Variants in THSD7B observed in about 807,000 individuals in gnomAD.
THSD7B encodes thrombospondin type-1 domain-containing protein 7B.
THSD7B carries 138 observed loss-of-function variants against 213.6 expected under a neutral mutation model. The ratio of observed to expected loss-of-function variants is 0.65; its 90% confidence interval spans 0.56 to 0.74. The LOEUF (loss-of-function observed/expected upper bound fraction) is 0.74. THSD7B is among the 30% of genes least tolerant of loss of function. THSD7B has a pLI of 0.00. For missense variants in THSD7B, 1,931 were observed against 1,991.5 expected (o/e 0.97, Z 0.58); for synonymous variants, 742 against 687.0 (o/e 1.08, Z -1.25).
rs1235744133 is a variant in THSD7B, at chr2:137,575,742, A to ATATATATATATATATATATATTTT, written c.3423+3187_3423+3188insATATATATATATATATATATTTTT. ...ATAACACACATATATATATATATATATTTTTACTTTAACATGCTTACTTTT... is the reference window on the plus strand; with the variant it reads ...ATAACACACATATATATATATATATATATATATATATATATATATATTTTTTTTTACTTTAACATGCTTACTTTT... On this transcript the variant is annotated intron_variant, in intron 17 of 27. Coordinates refer to ENST00000409968, the MANE Select transcript of THSD7B (RefSeq NM_001316349.2). 3.7e-3 allele frequency among the ~76,000 whole-genome samples: 541 copies of ATATATATATATATATATATATTTT among 147,280 alleles called. 2 individuals carry two copies. Among genetic ancestry groups the ATATATATATATATATATATATTTT allele is most frequent in the Admixed American group, 0.014 (202 of 14,542 alleles).
intron 1 of THSD7B, among the ~76,000 whole-genome samples, chr2:136,881,886 G>A (rs1030787514): frequency 6.6e-6 from 1 of 152,040 alleles, no homozygotes; most frequent in Non-Finnish European, 1.5e-5. Flanking sequence ...AGCAATTGGG[G>A]AAATAAGTAG....
At chr2:136,958,119 T>C (rs185351370) in intron 2 of THSD7B, among the ~76,000 whole-genome samples, 250 of 152,310 alleles carry the variant, frequency 1.6e-3, no homozygotes, top group Admixed American at 4.8e-3. Flanking sequence ...AGTTCAAATG[T>C]AGAAGTAACA....
At chr2:137,549,981 C>T (rs1057504156) in intron 15 of THSD7B, among the ~76,000 whole-genome samples, 2 of 152,038 alleles carry the variant, frequency 1.3e-5, no homozygotes, top group Non-Finnish European at 2.9e-5. Flanking sequence ...GGAAGGACCA[C>T]CATGGCTGGA....
At chr2:137,261,077 T>C (rs1682435202) in intron 10 of THSD7B, among the ~76,000 whole-genome samples, 1 of 152,112 alleles carries the variant, frequency 6.6e-6, no homozygotes, top group Non-Finnish European at 1.5e-5. Context: ...TCTTGCAAAG[T>C]GCTGAGATTA....
At chr2:136,915,263 AGT>A (rs1684331027) in intron 2 of THSD7B, among the ~76,000 whole-genome samples, 1 of 152,140 alleles carries the variant, frequency 6.6e-6, no homozygotes, top group African/African-American at 2.4e-5. Context: ...TCCAAAGCAA[AGT>A]GAAACAGTTA....
chr2:137,511,600 C>A (rs1679962323), intron 15 of THSD7B, among the ~76,000 whole-genome samples: 1 of 152,136 alleles, frequency 6.6e-6, no homozygotes, highest in Non-Finnish European at 1.5e-5. Context: ...TCAGGGTCAG[C>A]CAATGACATA....
intron 15 of THSD7B, among the ~76,000 whole-genome samples, chr2:137,452,312 A>G (rs573623442): frequency 3.2e-4 from 49 of 152,196 alleles, no homozygotes; most frequent in African/African-American, 1.1e-3. Context: ...TGGAAAAAAA[A>G]CCTCAAGATT....
intron 12 of THSD7B, among the ~76,000 whole-genome samples, chr2:137,308,395 C>T (rs1683808074): frequency 6.6e-6 from 1 of 152,024 alleles, no homozygotes; most frequent in South Asian, 2.1e-4. Context: ...CATTTCTATG[C>T]TTTGAAGTCG....
At chr2:137,306,397 A>G (rs1204731926) in intron 12 of THSD7B, among the ~76,000 whole-genome samples, 1 of 152,014 alleles carries the variant, frequency 6.6e-6, no homozygotes, top group East Asian at 1.9e-4. Context: ...ATCACACTTA[A>G]GTATTTTTAG....
chr2:137,185,256 T>C (rs1232888118), intron 7 of THSD7B, among the ~76,000 whole-genome samples: 1 of 152,040 alleles, frequency 6.6e-6, no homozygotes, highest in South Asian at 2.1e-4. Context: ...CTTTTTTTTT[T>C]CAACTTTTAT....
chr2:137,350,734 C>T (rs1320358546), intron 12 of THSD7B, among the ~76,000 whole-genome samples: 1 of 151,714 alleles, frequency 6.6e-6, no homozygotes, highest in East Asian at 1.9e-4. Flanking sequence ...GAGACAGGAT[C>T]GTAGCTTTGA....
At chr2:137,624,787 A>G (rs1303038593) in intron 20 of THSD7B, among the ~76,000 whole-genome samples, 2 of 152,212 alleles carry the variant, frequency 1.3e-5, no homozygotes, top group East Asian at 3.9e-4. Flanking sequence ...ACCATCTCAC[A>G]CCAGTTAGAA....
intron 1 of THSD7B, among the ~76,000 whole-genome samples, chr2:136,857,307 T>C (rs1353178978): frequency 6.6e-6 from 1 of 152,208 alleles, no homozygotes. Flanking sequence ...ATGGCCACCC[T>C]GGACTCAGGC....
rs574776469 is a variant in THSD7B, at chr2:137,142,672, T to C, written c.1370-17541T>C. Among the ~76,000 whole-genome samples the C allele has an allele frequency of 9.2e-5, 14 of 152,294 alleles. No individual in the cohort carries two copies. In the South Asian group the frequency reaches 2.9e-3, roughly 32 times the overall value. On this transcript the variant is annotated intron_variant, in intron 5 of 27. Transcript: ENST00000409968. ...TATAACTTTTATGTCTTTTTTATGT[T>C]ATCACACTAGGTAGGAAATCTATCA...
intron 2 of THSD7B, among the ~76,000 whole-genome samples, chr2:136,938,960 A>C (rs1199796144): frequency 8.5e-5 from 13 of 152,228 alleles, no homozygotes. Flanking sequence ...ATAGAAATTA[A>C]GACACATCTG....
At chr2:137,150,897 T>C (rs1679806845) in intron 5 of THSD7B, among the ~76,000 whole-genome samples, 1 of 152,156 alleles carries the variant, frequency 6.6e-6, no homozygotes, top group Non-Finnish European at 1.5e-5. Flanking sequence ...TGGTAAGTAT[T>C]TGTATATCTA....
chr2:137,378,137 TA>T, intron 12 of THSD7B, among the ~76,000 whole-genome samples: 1 of 152,152 alleles, frequency 6.6e-6, no homozygotes, highest in Non-Finnish European at 1.5e-5. Context: ...ACTGATCTAT[TA>T]AAAACAACAA....
At chr2:136,998,956 A>C (rs866757495) in intron 2 of THSD7B, among the ~76,000 whole-genome samples, 31 of 127,604 alleles carry the variant, frequency 2.4e-4, no homozygotes, top group Middle Eastern at 4.0e-3. Flanking sequence ...ACACACACAC[A>C]CACCCCTGCT....
intron 27 of THSD7B, among the ~76,000 whole-genome samples, chr2:137,668,067 T>C (rs1377205570): frequency 3.3e-5 from 5 of 152,196 alleles, no homozygotes; most frequent in African/African-American, 9.6e-5. Context: ...GGTATTTGAA[T>C]AATATGAAAA....
Sources: gnomAD v4.1 joint callset for allele counts (sites outside exome capture counted in the v4.1 genomes callset) on GRCh38, gnomAD v4.1.1 for gene constraint, MANE v1.5 for transcripts, NCBI Gene and HGNC (gene_info 2026-07-23, HGNC 2026-07-21) for gene names.